ELF1: variants seen among roughly 807,000 people sequenced by gnomAD.
The protein encoded by ELF1 is ETS-related transcription factor Elf-1.
A neutral mutation model predicts 59.9 loss-of-function variants in ELF1; 24 were observed. The observed-to-expected ratio is 0.40, with a 90% confidence interval of 0.29 to 0.56. The LOEUF (loss-of-function observed/expected upper bound fraction) is 0.56, where lower values mean the gene tolerates loss of function less well. Ranked by LOEUF, ELF1 falls within the 20% of genes least tolerant of loss-of-function variation. The pLI, the probability that ELF1 is intolerant of heterozygous loss-of-function variation, is 0.44. For missense variants in ELF1, 627 were observed against 742.2 expected, an observed-to-expected ratio of 0.84 and a Z score of 1.80; for synonymous variants, 248 against 266.2, an observed-to-expected ratio of 0.93 and a Z score of 0.67.
chr13:40,988,612 C>T (rs1158707380), intron 1 of ELF1, among the ~76,000 whole-genome samples: 1 of 152,150 alleles, frequency 6.6e-6, no homozygotes, highest in Admixed American at 6.5e-5. Context: ...TCCCTATTTA[C>T]TACTTTAAGT....
At chr13:40,962,194 C>T (rs1009027064) in intron 2 of ELF1, among the ~76,000 whole-genome samples, 1 of 152,136 alleles carries the variant, frequency 6.6e-6, no homozygotes, top group African/African-American at 2.4e-5. Context: ...TGTTACTGTA[C>T]AGACAGTAAA....
rs76500696 is a variant in ELF1 at position 40,959,587 on chromosome 13, T to C, written c.73-571A>G. ...ACATACAAATAAAATGTTAATTAAATCAAATCTCAATAAAAGTTTTTTGGC... is the reference window on the plus strand; with the variant it reads ...ACATACAAATAAAATGTTAATTAAACCAAATCTCAATAAAAGTTTTTTGGC... On this transcript the variant is annotated intron_variant, in intron 2 of 8. Coordinates refer to ENST00000239882, the MANE Select transcript of ELF1 (RefSeq NM_172373.4). Among the ~76,000 whole-genome samples, 1,424 of 152,250 alleles carry C rather than the reference T, an allele frequency of 9.4e-3. 15 individuals carry two copies. Among genetic ancestry groups the C allele is most frequent in the East Asian group, 0.05 (258 of 5,186 alleles).
chr13:41,052,067 G>A (rs1877111798), intron 1 of ELF1, among the ~76,000 whole-genome samples: 1 of 150,708 alleles, frequency 6.6e-6, no homozygotes. Context: ...CACCCTTCAA[G>A]TAGCTGAGAT....
At chr13:40,979,804 T>C (rs1873152505) in intron 2 of ELF1, among the ~76,000 whole-genome samples, 1 of 152,218 alleles carries the variant, frequency 6.6e-6, no homozygotes, top group African/African-American at 2.4e-5. Context: ...AAAATATTAA[T>C]ACTTAATACT....
At chr13:40,964,932 T>C (rs907520192) in intron 2 of ELF1, among the ~76,000 whole-genome samples, 1 of 152,152 alleles carries the variant, frequency 6.6e-6, no homozygotes, top group Non-Finnish European at 1.5e-5. Flanking sequence ...CATGACCCTA[T>C]TTCCAACAAC....
chr13:41,032,418 A>G (rs909722137), intron 1 of ELF1, among the ~76,000 whole-genome samples: 19 of 151,868 alleles, frequency 1.3e-4, no homozygotes, highest in Non-Finnish European at 2.5e-4. Context: ...GGGTTTTACC[A>G]TGTTGGCCAG....
At chr13:41,052,341 A>G (rs1191573780) in intron 1 of ELF1, among the ~76,000 whole-genome samples, 3 of 152,224 alleles carry the variant, frequency 2.0e-5, no homozygotes, top group African/African-American at 7.2e-5. Context: ...CCATTATAGC[A>G]TAAAAATGTA....
intron 2 of ELF1, among the ~76,000 whole-genome samples, chr13:40,977,203 C>T (rs193064055): frequency 2.0e-5 from 3 of 151,918 alleles, no homozygotes; most frequent in African/African-American, 7.3e-5. Context: ...AAACTTGTAT[C>T]CATAGACTTC....
chr13:41,024,800 C>A (rs2138398537), intron 1 of ELF1, among the ~76,000 whole-genome samples: 1 of 152,260 alleles, frequency 6.6e-6, no homozygotes, highest in South Asian at 2.1e-4. Flanking sequence ...GAGAGGAAAT[C>A]TAATTTTTAT....
intron 1 of ELF1, among the ~76,000 whole-genome samples, chr13:41,032,745 G>A (rs1255943281): frequency 1.3e-5 from 2 of 151,650 alleles, no homozygotes; most frequent in African/African-American, 4.8e-5. Context: ...AGCTACTTAG[G>A]AGACCAAAGC....
At chr13:40,996,847 A>C (rs1357164761) in intron 1 of ELF1, among the ~76,000 whole-genome samples, 1 of 152,084 alleles carries the variant, frequency 6.6e-6, no homozygotes, top group Non-Finnish European at 1.5e-5. Flanking sequence ...CAAAAACAAC[A>C]ATCCAGCAGT....
intron 1 of ELF1, among the ~76,000 whole-genome samples, chr13:41,043,651 C>A (rs1056472305): frequency 2.0e-5 from 3 of 152,096 alleles, no homozygotes; most frequent in African/African-American, 7.2e-5. Flanking sequence ...CTGTTCTGTT[C>A]CATTGGTCTA....
chr13:40,940,818 T>G, intron 8 of ELF1, 103 bp downstream of exon 8: 1 of 1,307,262 alleles, frequency 7.6e-7, no homozygotes, highest in Non-Finnish European at 1.0e-6. Flanking sequence ...CTTGAAACCT[T>G]TATACTTTTA....
chr13:41,016,914 C>CAAAAAAA (rs1164306892), intron 1 of ELF1, among the ~76,000 whole-genome samples: 4 of 12,908 alleles, frequency 3.1e-4, no homozygotes, highest in Admixed American at 1.7e-3. Context: ...AACTCCGTCT[C>CAAAAAAA]AAAAAAAAAA....
At chr13:41,057,115 C>G (rs1364302951) in intron 1 of ELF1, among the ~76,000 whole-genome samples, 1 of 150,624 alleles carries the variant, frequency 6.6e-6, no homozygotes, top group Non-Finnish European at 1.5e-5. Context: ...TAAATACCAG[C>G]GTTCATCTCT....
At chr13:41,000,804 A>G (rs1298491156) in intron 1 of ELF1, among the ~76,000 whole-genome samples, 5 of 152,074 alleles carry the variant, frequency 3.3e-5, no homozygotes, top group Admixed American at 2.6e-4. Context: ...ATCTCTAATA[A>G]CTACTGATAT....
intron 1 of ELF1, among the ~76,000 whole-genome samples, chr13:41,048,895 G>A (rs1244243691): frequency 2.6e-5 from 4 of 151,886 alleles, no homozygotes; most frequent in Admixed American, 6.6e-5. Flanking sequence ...TTCATCTCCC[G>A]CTCATTCTTC....
chr13:41,057,758 T>C (rs1366548392), intron 1 of ELF1, among the ~76,000 whole-genome samples: 1 of 152,186 alleles, frequency 6.6e-6, no homozygotes, highest in African/African-American at 2.4e-5. Flanking sequence ...GTGTCACTAA[T>C]TTATGGCCCA....
exon 1 of ELF1, chr13:41,060,955 C>CCGCCGCCGCCGCCGCCGCCGCCG (rs1445082763): frequency 5.6e-6 from 2 of 354,014 alleles, no homozygotes; most frequent in South Asian, 2.2e-5. Flanking sequence ...GCTGCTGCTG[C>CCGCCGCCGCCGCCGCCGCCGCCG]CCACACGCTC....
Sources: allele counts gnomAD v4.1 joint callset (sites outside exome capture counted in the v4.1 genomes callset), GRCh38; gene constraint gnomAD v4.1.1; transcripts MANE v1.5; gene names NCBI Gene and HGNC (gene_info 2026-07-23, HGNC 2026-07-21).